The following ATP8A2 variants were observed in gnomAD, a reference collection of about 807,000 sequenced individuals.
ATP8A2 encodes ATPase phospholipid transporting 8A2.
A neutral mutation model predicts 165.6 loss-of-function variants in ATP8A2; 100 were observed. The observed-to-expected ratio is 0.60, with a 90% CI of 0.51 to 0.71. The LOEUF is 0.71. Among genes scored for constraint, ATP8A2 ranks in the 30% least tolerant of loss-of-function variants. The pLI is 0.00. For synonymous variants in ATP8A2, 543 were observed against 548.8 expected (o/e 0.99, Z 0.15); for missense variants, 1,227 against 1,479.5 (o/e 0.83, Z 2.80).
At chr13:25,509,607 A>G (rs2037156941) in intron 2 of ATP8A2, among the ~76,000 whole-genome samples, 1 of 152,098 alleles carries the variant, frequency 6.6e-6, no homozygotes, top group South Asian at 2.1e-4. Flanking sequence ...AGTAAACTTC[A>G]CTTCTGTGCC....
At chr13:25,861,476 A>G (rs1403875324) in intron 32 of ATP8A2, among the ~76,000 whole-genome samples, 3 of 152,208 alleles carry the variant, frequency 2.0e-5, no homozygotes, top group Non-Finnish European at 1.5e-5. Context: ...TTTAAAGATT[A>G]TAACTAAAGC....
Position 25,546,670 on chromosome 13 carries a change from G to A in ATP8A2, c.891+3268G>A, listed in dbSNP as rs1359084725. Among the ~76,000 whole-genome samples the A allele has an allele frequency of 2.0e-5, 3 of 152,140 alleles. 1 individual carries two copies. Among genetic ancestry groups the A allele is most frequent in the African/African-American group, 7.2e-5 (3 of 41,424 alleles). ...AAGAGCGATTATCACACTAATTACA[G>A]CGAACATAATTACAACAAATCATGC... On this transcript the variant is annotated intron_variant, in intron 10 of 36. Transcript: ENST00000381655.
At chr13:25,541,600 G>A (rs183056222) in intron 8 of ATP8A2, among the ~76,000 whole-genome samples, 2 of 152,318 alleles carry the variant, frequency 1.3e-5, no homozygotes, top group South Asian at 2.1e-4. Flanking sequence ...ACCAGTGTTA[G>A]AGTACAGCTA....
At chr13:25,896,362 C>G (rs1444846103) in intron 33 of ATP8A2, among the ~76,000 whole-genome samples, 2 of 152,202 alleles carry the variant, frequency 1.3e-5, no homozygotes. Context: ...TTTCTTAATC[C>G]TGAGTTCCAG....
intron 24 of ATP8A2, among the ~76,000 whole-genome samples, chr13:25,618,896 G>GA (rs2040897215): frequency 6.6e-6 from 1 of 152,102 alleles, no homozygotes; most frequent in Non-Finnish European, 1.5e-5. Flanking sequence ...GCATTGAAAT[G>GA]AAAGAACTCC....
intron 1 of ATP8A2, among the ~76,000 whole-genome samples, chr13:25,413,018 A>T (rs970933312): frequency 3.9e-5 from 6 of 152,066 alleles, no homozygotes; most frequent in Non-Finnish European, 8.8e-5. Context: ...GGGTTTCACC[A>T]TGTTGGCCAG....
At chr13:25,380,383 C>A (rs2032793773) in intron 1 of ATP8A2, among the ~76,000 whole-genome samples, 1 of 152,034 alleles carries the variant, frequency 6.6e-6, no homozygotes, top group Non-Finnish European at 1.5e-5. Context: ...ATCTTTGCCG[C>A]GCAGTAGAGT....
intron 2 of ATP8A2, among the ~76,000 whole-genome samples, chr13:25,488,152 CT>C (rs974145835): frequency 1.3e-5 from 2 of 152,014 alleles, no homozygotes; most frequent in Non-Finnish European, 2.9e-5. Flanking sequence ...TTTTTTCTTT[CT>C]TTTTTCTCTT....
At chr13:25,603,388 G>A (rs931792576) in intron 24 of ATP8A2, among the ~76,000 whole-genome samples, 1 of 151,552 alleles carries the variant, frequency 6.6e-6, no homozygotes. Flanking sequence ...CTACTTGGGA[G>A]GCTGAGGTGG....
chr13:25,797,591 G>A (rs141145326), intron 27 of ATP8A2, among the ~76,000 whole-genome samples: 198 of 152,226 alleles, frequency 1.3e-3, no homozygotes, highest in African/African-American at 4.4e-3. Context: ...GTTAAGGCCC[G>A]TGTTCCCACT....
intron 1 of ATP8A2, among the ~76,000 whole-genome samples, chr13:25,421,048 G>A (rs192926557): frequency 2.2e-4 from 34 of 152,240 alleles, no homozygotes; most frequent in Non-Finnish European, 4.4e-4. Flanking sequence ...AAATACTTAG[G>A]ATTTTGTCTG....
intron 36 of ATP8A2, among the ~76,000 whole-genome samples, chr13:26,013,519 A>G (rs1180565693): frequency 6.6e-6 from 1 of 152,192 alleles, no homozygotes; most frequent in Non-Finnish European, 1.5e-5. Flanking sequence ...TACTAAAAAT[A>G]CAAAATTAGC....
At chr13:25,986,319 C>T (rs1020608079) in intron 35 of ATP8A2, among the ~76,000 whole-genome samples, 3 of 152,196 alleles carry the variant, frequency 2.0e-5, no homozygotes, top group African/African-American at 4.8e-5. Context: ...AGAACTTACT[C>T]ATCTTAAAAC....
Position 25,800,265 on chromosome 13 carries a change from C to T in ATP8A2, c.2679+25306C>T, listed in dbSNP as rs573169150. On this transcript the variant is annotated intron_variant, in intron 27 of 36. Coordinates refer to ENST00000381655, the MANE Select transcript of ATP8A2 (RefSeq NM_016529.6). ...ATCTATAATGAGTAAAAATCTATAA[C>T]AGGTAAAAATGTACAATGGAGAATG... is the stretch of plus-strand genomic sequence containing the variant. Among the ~76,000 whole-genome samples, 42 of 152,282 alleles carry T rather than the reference C, an allele frequency of 2.8e-4. 1 individual carries two copies. Among genetic ancestry groups the T allele is most frequent in the African/African-American group, 9.6e-4 (40 of 41,558 alleles).
chr13:25,992,539 A>G (rs1593683898), intron 35 of ATP8A2, among the ~76,000 whole-genome samples: 1 of 152,238 alleles, frequency 6.6e-6, no homozygotes, highest in South Asian at 2.1e-4. Flanking sequence ...GGCCTTTCAT[A>G]GAAGAAAAGT....
At chr13:25,680,723 T>C (rs1243366084) in intron 24 of ATP8A2, among the ~76,000 whole-genome samples, 1 of 152,204 alleles carries the variant, frequency 6.6e-6, no homozygotes, top group East Asian at 1.9e-4. Context: ...TCCTTGTACG[T>C]CAGTCTCTTT....
intron 24 of ATP8A2, among the ~76,000 whole-genome samples, chr13:25,643,243 T>C (rs1299955136): frequency 6.6e-6 from 1 of 152,136 alleles, no homozygotes; most frequent in Non-Finnish European, 1.5e-5. Flanking sequence ...TGTGATCCTC[T>C]GGTTTTTCCT....
intron 24 of ATP8A2, among the ~76,000 whole-genome samples, chr13:25,698,642 G>C (rs1440057970): frequency 6.6e-6 from 1 of 152,062 alleles, no homozygotes; most frequent in Non-Finnish European, 1.5e-5. Context: ...GTAGGTGTTG[G>C]CAGTTTAACT....
intron 27 of ATP8A2, among the ~76,000 whole-genome samples, chr13:25,824,971 G>A (rs887658488): frequency 4.0e-5 from 6 of 151,560 alleles, no homozygotes; most frequent in African/African-American, 7.3e-5. Context: ...TATTTCTTGC[G>A]TTGTTTCACC....
Sources: allele counts gnomAD v4.1 joint callset (sites outside exome capture counted in the v4.1 genomes callset), GRCh38; gene constraint gnomAD v4.1.1; transcripts MANE v1.5; gene names NCBI Gene and HGNC (gene_info 2026-07-23, HGNC 2026-07-21).